DRC9: variants seen among roughly 807,000 people sequenced by gnomAD.
DRC9 encodes the protein dynein regulatory complex protein 9.
At chr3:197,932,882 T>C in the DRC9 span, among the ~76,000 whole-genome samples, 2 of 135,226 alleles carry the variant, frequency 1.5e-5, no homozygotes, top group Non-Finnish European at 3.1e-5. Flanking sequence ...ATATATTATA[T>C]ATGTATAATA....
the DRC9 span, among the ~76,000 whole-genome samples, chr3:197,941,297 T>C: frequency 9.1e-6 from 1 of 110,404 alleles, no homozygotes; most frequent in African/African-American, 4.3e-5. Context: ...TTTCTTTCTT[T>C]TCCTCCCTCC....
At chr3:197,909,985 T>C in the DRC9 span, among the ~76,000 whole-genome samples, 1 of 152,072 alleles carries the variant, frequency 6.6e-6, no homozygotes, top group East Asian at 1.9e-4. Context: ...GCAAGACTCC[T>C]CTCAAAAACA....
At chr3:197,938,681 G>A in the DRC9 span, 2 of 1,613,920 alleles carry the variant, frequency 1.2e-6, no homozygotes, top group Non-Finnish European at 8.5e-7. Flanking sequence ...GGCAAGTTGG[G>A]TCCTTCCTCA....
the DRC9 span, among the ~76,000 whole-genome samples, chr3:197,955,413 C>A: frequency 6.6e-6 from 1 of 151,258 alleles, no homozygotes; most frequent in Admixed American, 6.6e-5. Context: ...TAGGCACGTA[C>A]CACCATGCCC....
chr3:197,910,372 T>C, the DRC9 span, among the ~76,000 whole-genome samples: 8 of 152,202 alleles, frequency 5.3e-5, no homozygotes, highest in African/African-American at 1.9e-4. Flanking sequence ...TGGGAAACTC[T>C]GGCGTCATCC....
the DRC9 span, among the ~76,000 whole-genome samples, chr3:197,901,580 G>A: frequency 1.3e-5 from 2 of 152,252 alleles, no homozygotes; most frequent in Non-Finnish European, 2.9e-5. This position sits in a 1 kb window ranked among gnomAD's most constrained non-coding sequence, Gnocchi z 4.4. Flanking sequence ...AACATCAGCA[G>A]TAGCCTGGCG....
At chr3:197,951,040 T>C in the DRC9 span, 1 of 1,597,350 alleles carries the variant, frequency 6.3e-7, no homozygotes, top group Non-Finnish European at 8.6e-7. Context: ...AATGCGAGCT[T>C]AAAATTGGCA....
the DRC9 span, among the ~76,000 whole-genome samples, chr3:197,918,579 G>A: frequency 6.6e-6 from 1 of 152,198 alleles, no homozygotes; most frequent in Middle Eastern, 3.4e-3. Context: ...ATTGATAACT[G>A]TAGTTTTGTT....
the DRC9 span, among the ~76,000 whole-genome samples, chr3:197,897,770 C>CT: frequency 0.15 from 18,991 of 126,340 alleles, 1,990 homozygotes; most frequent in African/African-American, 0.23. Context: ...AAGCATAAAC[C>CT]TTTTTTTTTT....
At chr3:197,925,611 C>T in the DRC9 span, among the ~76,000 whole-genome samples, 10 of 142,950 alleles carry the variant, frequency 7.0e-5, no homozygotes, top group Admixed American at 2.8e-4. Flanking sequence ...TTTTCTGAGA[C>T]GGAATCTCGC....
the DRC9 span, among the ~76,000 whole-genome samples, chr3:197,947,444 C>T: frequency 6.6e-5 from 10 of 152,188 alleles, no homozygotes; most frequent in Non-Finnish European, 1.5e-4. Context: ...CCTCTCTAGA[C>T]CCAACTACAA....
the DRC9 span, among the ~76,000 whole-genome samples, chr3:197,892,239 T>C: frequency 6.6e-6 from 1 of 152,194 alleles, no homozygotes; most frequent in East Asian, 1.9e-4. Flanking sequence ...TATTCCATAA[T>C]GAAACCATAA....
At chr3:197,934,032 T>C in the DRC9 span, among the ~76,000 whole-genome samples, 1 of 151,520 alleles carries the variant, frequency 6.6e-6, no homozygotes, top group Non-Finnish European at 1.5e-5. Context: ...AAGAGGTTTT[T>C]AGTGTTGATT....
chr3:197,944,726 G>T, the DRC9 span, among the ~76,000 whole-genome samples: 1 of 152,082 alleles, frequency 6.6e-6, no homozygotes, highest in Admixed American at 6.5e-5. Context: ...GGGATTACAG[G>T]TGTGAGCCAC....
the DRC9 span, chr3:197,914,079 C>T: frequency 6.4e-7 from 1 of 1,555,850 alleles, no homozygotes; most frequent in Non-Finnish European, 8.9e-7. Context: ...ATTGAAAATA[C>T]ATTCTACCTC....
the DRC9 span, among the ~76,000 whole-genome samples, chr3:197,927,209 G>C: frequency 6.6e-6 from 1 of 152,084 alleles, no homozygotes; most frequent in African/African-American, 2.4e-5. Context: ...TTTTACTCAA[G>C]AATTTCTATT....
chr3:197,914,270 C>T, the DRC9 span, among the ~76,000 whole-genome samples: 2 of 152,144 alleles, frequency 1.3e-5, no homozygotes, highest in African/African-American at 4.8e-5. Flanking sequence ...GAGATTAGTT[C>T]CCAGGCACAT....
the DRC9 span, among the ~76,000 whole-genome samples, chr3:197,932,900 T>A: frequency 1.5e-3 from 215 of 140,666 alleles, 1 homozygote; most frequent in African/African-American, 5.1e-3. Flanking sequence ...ATATATGTAT[T>A]ATATATGTAT....
At chr3:197,917,696 G>T in the DRC9 span, among the ~76,000 whole-genome samples, 1 of 150,384 alleles carries the variant, frequency 6.6e-6, no homozygotes, top group Non-Finnish European at 1.5e-5. Flanking sequence ...CTTTCTATAC[G>T]CACTTCCCTT....
Sources: allele counts gnomAD v4.1 joint callset (sites outside exome capture counted in the v4.1 genomes callset), GRCh38; gene constraint gnomAD v4.1.1; non-coding constraint Gnocchi (gnomAD v3.1); transcripts MANE v1.5; gene names NCBI Gene and HGNC (gene_info 2026-07-23, HGNC 2026-07-21).